Variants in MED13L observed in about 807,000 individuals in gnomAD.
The protein encoded by MED13L is mediator complex subunit 13L, also known as mediator of RNA polymerase II transcription subunit 13-like.
In MED13L, 7 loss-of-function variants were observed where a neutral mutation model predicts 220.9. The observed-to-expected ratio is 0.03, with a 90% CI of 0.02 to 0.06. The LOEUF (loss-of-function observed/expected upper bound fraction) is 0.06, where lower values mean the gene tolerates loss of function less well. MED13L is among the 10% of genes least tolerant of loss of function. The probability of loss-of-function intolerance (pLI) is 1.00; values close to 1 mark genes in which losing one functional copy is unlikely to be tolerated. For synonymous variants in MED13L, 1,011 were observed against 1,015.2 expected (o/e 1.00, Z 0.08); for missense variants, 1,965 against 2,760.5 (o/e 0.71, Z 6.46).
intron 2 of MED13L, among the ~76,000 whole-genome samples, chr12:116,224,453 A>G (rs1238314544): frequency 1.3e-5 from 2 of 152,234 alleles, no homozygotes; most frequent in African/African-American, 4.8e-5. Flanking sequence ...GGCCCCACAT[A>G]GGAGACTTTA....
At chr12:116,260,167 T>G (rs575406519) in intron 1 of MED13L, among the ~76,000 whole-genome samples, 1 of 152,300 alleles carries the variant, frequency 6.6e-6, no homozygotes, top group African/African-American at 2.4e-5. Context: ...AAATGACAAC[T>G]GCGGGAAAGC....
intron 4 of MED13L, among the ~76,000 whole-genome samples, chr12:116,025,994 A>G (rs1880366094): frequency 2.0e-5 from 3 of 152,200 alleles, no homozygotes; most frequent in African/African-American, 7.2e-5. Flanking sequence ...TTATGTGTCA[A>G]TTTAAAATAA....
Position 116,002,986 on chromosome 12 carries a change from C to A in MED13L, c.2569+17G>T. On this transcript the variant is annotated intron_variant, in intron 14 of 30. Coordinates refer to ENST00000281928, the MANE Select transcript of MED13L (RefSeq NM_015335.5). ...AGGCAGTGAGCCACAATGGCTCAGT[C>A]AAGTTTCTCTACCTACTTGGTGGAT... The A allele has an allele frequency of 6.3e-7, 1 of 1,599,120 alleles. No individual in the cohort carries two copies. The highest frequency in any genetic ancestry group is 8.6e-7 in the Non-Finnish European group (1 of 1,166,396).
intron 4 of MED13L, among the ~76,000 whole-genome samples, chr12:116,026,114 T>C (rs1028852013): frequency 2.0e-5 from 3 of 152,086 alleles, no homozygotes; most frequent in African/African-American, 7.2e-5. Context: ...TAGTTTGGAA[T>C]GGTGGGATGT....
intron 25 of MED13L, among the ~76,000 whole-genome samples, chr12:115,974,170 C>A (rs948437913): frequency 2.6e-5 from 4 of 152,150 alleles, no homozygotes; most frequent in Admixed American, 6.5e-5. Flanking sequence ...TGTCTAGAGC[C>A]GCTTTGACGT....
intron 1 of MED13L, among the ~76,000 whole-genome samples, chr12:116,276,192 G>GATTA (rs1228973524): frequency 6.6e-6 from 1 of 152,136 alleles, no homozygotes; most frequent in Admixed American, 6.5e-5. Flanking sequence ...ACTGCTTCAA[G>GATTA]ATTAAGGCAG....
chr12:116,218,766 C>G (rs775576496), intron 2 of MED13L, among the ~76,000 whole-genome samples: 10 of 151,712 alleles, frequency 6.6e-5, no homozygotes, highest in Non-Finnish European at 1.3e-4. Flanking sequence ...CAAGGTCTTG[C>G]TCTGTCACCC....
chr12:116,164,332 T>C (rs1013676493), intron 2 of MED13L, among the ~76,000 whole-genome samples: 2 of 152,282 alleles, frequency 1.3e-5, no homozygotes, highest in African/African-American at 4.8e-5. Flanking sequence ...TGACCCCACC[T>C]ATCAACAATT....
rs1555251772 is a variant in MED13L at position 116,031,752 on chromosome 12, A to AAGAAGGAAGG, written c.480-9152_480-9151insCCTTCCTTCT. Reference sequence around the variant, plus strand: ...AAAGAAAAGAAAAGAAAAGAAAAGAAAAGAAAAGAAGGAAGGAAGGAAGGA... The same window carrying AAGAAGGAAGG: ...AAAGAAAAGAAAAGAAAAGAAAAGAAAGAAGGAAGGAAGAAAAGAAGGAAGGAAGGAAGGA... On this transcript the variant is annotated intron_variant, in intron 4 of 30. Coordinates refer to ENST00000281928, the MANE Select transcript of MED13L (RefSeq NM_015335.5). Among the ~76,000 whole-genome samples, 88 of 31,494 alleles carry AAGAAGGAAGG rather than the reference A, an allele frequency of 2.8e-3. 2 individuals carry two copies. Among genetic ancestry groups the AAGAAGGAAGG allele is most frequent in the East Asian group, 0.016 (18 of 1,124 alleles). 20.7% of individuals were successfully genotyped at this position (31,494 alleles called of 152,430 possible).
In MED13L at chr12:116,242,566, A is replaced by G. The variant is rs1870753631; in HGVS notation, c.73-4861T>C. ...CCAAAACGATGAAATTAAAATATAC[A>G]AAGAAGGAAACCTATATGCACATTA... On this transcript the variant is annotated intron_variant, in intron 1 of 30. Coordinates refer to ENST00000281928, the MANE Select transcript of MED13L (RefSeq NM_015335.5). Among the ~76,000 whole-genome samples the G allele has an allele frequency of 2.0e-5, 3 of 152,218 alleles. No homozygotes were observed. The South Asian group carries it at 6.2e-4, about 32-fold the overall frequency.
At chr12:116,159,963 T>C (rs758793816) in intron 2 of MED13L, among the ~76,000 whole-genome samples, 1 of 151,370 alleles carries the variant, frequency 6.6e-6, no homozygotes, top group Non-Finnish European at 1.5e-5. Flanking sequence ...TTTCATCTCT[T>C]TGTCCCATTT....
In MED13L at chr12:116,103,490, T is replaced by C. The variant is rs138751634; in HGVS notation, c.396-6738A>G. Among the ~76,000 whole-genome samples the C allele has an allele frequency of 2.3e-3, 353 of 152,274 alleles. 1 individual carries two copies. The highest frequency in any genetic ancestry group is 8.1e-3 in the African/African-American group (337 of 41,570). On this transcript the variant is annotated intron_variant, in intron 3 of 30. Coordinates refer to ENST00000281928, the MANE Select transcript of MED13L (RefSeq NM_015335.5). ...ATTTAGAGATGGGGGTCTCGCTTTG[T>C]TGCCCAGCCTGGTCTCAAACTCCTG... is the stretch of plus-strand genomic sequence containing the variant.
intron 4 of MED13L, among the ~76,000 whole-genome samples, chr12:116,028,629 C>T (rs753272391): frequency 6.6e-6 from 1 of 152,110 alleles, no homozygotes; most frequent in Non-Finnish European, 1.5e-5. Context: ...AAACTAGTCC[C>T]GGCATCAGTT....
chr12:115,972,020 T>C lies in MED13L; in HGVS notation c.5890+58A>G, dbSNP rs1876620089. 6 of 1,578,520 alleles carry C rather than the reference T, an allele frequency of 3.8e-6. No homozygotes were observed. The East Asian group carries it at 1.3e-4, about 35-fold the overall frequency. On this transcript the variant is annotated intron_variant, in intron 26 of 30. Transcript: ENST00000281928. ...TCTACCCTTGTCTGCGGACTTAAGT[T>C]TGAGTGGACTGAATTGATGTGATAT...
chr12:116,019,258 C>A lies in MED13L; in HGVS notation c.975G>T (p.Leu325=). 1 of 1,613,908 alleles carries A rather than the reference C, an allele frequency of 6.2e-7. No homozygotes were observed. Among genetic ancestry groups the A allele is most frequent in the South Asian group, 1.1e-5 (1 of 91,074 alleles). Residue 325 remains leucine, a synonymous_variant, in exon 7 of 31, where the codon CTG becomes CTT. Coordinates refer to ENST00000281928, the MANE Select transcript of MED13L (RefSeq NM_015335.5). The part of the protein sequence containing the change: ...VKDPSNCGMP[L]TPPTSPEQAI... ...CCTGTTCTGGAGAGGTGGGAGGGGT[C>A]AGAGGCATCCCACAGTTACTTGGGT...
chr12:116,000,436 A>G (rs1296490200), intron 14 of MED13L, among the ~76,000 whole-genome samples: 13 of 152,064 alleles, frequency 8.5e-5, no homozygotes, highest in Non-Finnish European at 1.5e-5. Flanking sequence ...CTCATAAGAC[A>G]CCCACCTGCT....
chr12:116,225,726 C>A (rs925847188), intron 2 of MED13L, among the ~76,000 whole-genome samples: 2 of 152,070 alleles, frequency 1.3e-5, no homozygotes, highest in Non-Finnish European at 2.9e-5. Context: ...TCAAGATTAC[C>A]TGTGAAAAAT....
In MED13L at chr12:116,190,340, T is replaced by C. The variant is rs189563309; in HGVS notation, c.310+47128A>G. On this transcript the variant is annotated intron_variant, in intron 2 of 30. Coordinates refer to ENST00000281928, the MANE Select transcript of MED13L (RefSeq NM_015335.5). ...GTGTTTGATGGATTGTTATGGATTA[T>C]TATGTTTGATGTTTGAACATGACCT... Among the ~76,000 whole-genome samples the C allele has an allele frequency of 5.8e-4, 89 of 152,318 alleles. 1 individual carries two copies. Among genetic ancestry groups the C allele is most frequent in the East Asian group, 5.8e-4 (3 of 5,182 alleles).
At chr12:116,047,529 T>C (rs1881913622) in intron 4 of MED13L, among the ~76,000 whole-genome samples, 1 of 152,172 alleles carries the variant, frequency 6.6e-6, no homozygotes, top group Non-Finnish European at 1.5e-5. Flanking sequence ...ATGTTCTTGA[T>C]AGTCAATAAA....
Sources: allele counts gnomAD v4.1 joint callset (sites outside exome capture counted in the v4.1 genomes callset), GRCh38; gene constraint gnomAD v4.1.1; transcripts MANE v1.5; gene names NCBI Gene and HGNC (gene_info 2026-07-23, HGNC 2026-07-21).